Variants in ADGRB3 observed in about 807,000 individuals in gnomAD.
ADGRB3 encodes brain-specific angiogenesis inhibitor 3.
ADGRB3 carries 37 observed loss-of-function variants against 193.4 expected under a neutral mutation model. That is an observed-to-expected ratio of 0.19 (90% CI 0.15 to 0.25). The LOEUF (loss-of-function observed/expected upper bound fraction) is 0.25, where lower values mean the gene tolerates loss of function less well. ADGRB3 is among the 10% of genes least tolerant of loss of function. ADGRB3 has a pLI of 1.00. For missense variants in ADGRB3, 1,637 were observed against 1,852.9 expected (o/e 0.88, Z 2.14); for synonymous variants, 690 against 644.2 (o/e 1.07, Z -1.08).
intron 3 of ADGRB3, among the ~76,000 whole-genome samples, chr6:68,874,706 C>T (rs1230708387): frequency 6.6e-6 from 1 of 152,054 alleles, no homozygotes. Flanking sequence ...GAATTCCATA[C>T]ATGGAATTCA....
intron 13 of ADGRB3, among the ~76,000 whole-genome samples, chr6:69,020,400 G>A (rs1236660204): frequency 1.3e-5 from 2 of 151,944 alleles, no homozygotes; most frequent in Non-Finnish European, 2.9e-5. Flanking sequence ...TTTCATAAAT[G>A]TCCATAAATT....
intron 20 of ADGRB3, among the ~76,000 whole-genome samples, chr6:69,252,520 T>C (rs1766645706): frequency 6.6e-6 from 1 of 152,140 alleles, no homozygotes; most frequent in Non-Finnish European, 1.5e-5. Flanking sequence ...CATACCACTT[T>C]GTACTCTTAC....
At chr6:68,958,150 G>A (rs920400384) in intron 8 of ADGRB3, among the ~76,000 whole-genome samples, 4 of 151,944 alleles carry the variant, frequency 2.6e-5, no homozygotes, top group East Asian at 1.9e-4. Flanking sequence ...GCAGTTAGCC[G>A]AGATTGCACC....
At chr6:68,642,079 A>G (rs1369574968) in intron 3 of ADGRB3, among the ~76,000 whole-genome samples, 4 of 152,174 alleles carry the variant, frequency 2.6e-5, no homozygotes, top group East Asian at 1.9e-4. Context: ...TCCATTTCCT[A>G]TTAAAAAAGG....
intron 17 of ADGRB3, among the ~76,000 whole-genome samples, chr6:69,160,183 G>A (rs891790922): frequency 6.6e-6 from 1 of 152,082 alleles, no homozygotes; most frequent in Non-Finnish European, 1.5e-5. Context: ...ATCTGCTGAG[G>A]TAGAAATTAA....
rs1768029427 is a variant in ADGRB3, at chr6:68,639,432, G to A, written c.757G>A (p.Glu253Lys). 2 of 1,600,450 alleles carry A rather than the reference G, an allele frequency of 1.2e-6. No individual in the cohort carries two copies. Among genetic ancestry groups the A allele is most frequent in the Admixed American group, 1.7e-5 (1 of 58,592 alleles). ...TREAKRPPKE[E>K]FGMMGDHTIK... Reference sequence around the variant, plus strand: ...GGAGGCCAAGCGACCACCCAAAGAAGGTAAGTGCCAAAGAGAGGGGAAGGT... The same window carrying A: ...GGAGGCCAAGCGACCACCCAAAGAAAGTAAGTGCCAAAGAGAGGGGAAGGT... Residue 253 changes from glutamate to lysine, a missense_variant and splice_region_variant, in exon 3 of 32, where the codon GAA becomes AAA. By Grantham distance (56) the Glu-to-Lys change is moderately conservative (BLOSUM62 1). Around this residue, in one of 7 missense-constraint regions of ADGRB3, gnomAD observed 365 missense variants for 409.8 expected, o/e 0.89. Coordinates refer to ENST00000370598, the MANE Select transcript of ADGRB3 (RefSeq NM_001704.3).
intron 17 of ADGRB3, among the ~76,000 whole-genome samples, chr6:69,141,582 G>A (rs1005500209): frequency 1.3e-5 from 2 of 152,010 alleles, no homozygotes; most frequent in African/African-American, 4.8e-5. Flanking sequence ...TACCTAGTGG[G>A]TATGAGGAAA....
chr6:69,187,371 G>A lies in ADGRB3; in HGVS notation c.2481-45919G>A, dbSNP rs556032004. On this transcript the variant is annotated intron_variant, in intron 17 of 31. Coordinates refer to ENST00000370598, the MANE Select transcript of ADGRB3 (RefSeq NM_001704.3). ...AGGATGATAACAACTGCTATTGTTCGTATAAGACTTTCTGGTGATGCACTA... is the reference window on the plus strand; with the variant it reads ...AGGATGATAACAACTGCTATTGTTCATATAAGACTTTCTGGTGATGCACTA... Among the ~76,000 whole-genome samples the A allele has an allele frequency of 5.3e-5, 8 of 152,176 alleles. No homozygotes were observed. The South Asian group carries it at 6.2e-4, about 12-fold the overall frequency.
At chr6:68,821,861 A>G (rs1254198892) in intron 3 of ADGRB3, among the ~76,000 whole-genome samples, 4 of 151,866 alleles carry the variant, frequency 2.6e-5, no homozygotes, top group African/African-American at 9.7e-5. Context: ...CAAATATAAT[A>G]CTACTTAAAA....
chr6:68,676,332 A>G (rs1284695258), intron 3 of ADGRB3, among the ~76,000 whole-genome samples: 5 of 147,594 alleles, frequency 3.4e-5, no homozygotes, highest in East Asian at 2.0e-4. Flanking sequence ...GGGAGGTTGC[A>G]GTGAGCCCAG....
chr6:68,876,711 A>G (rs1765604414), intron 3 of ADGRB3, among the ~76,000 whole-genome samples: 2 of 152,222 alleles, frequency 1.3e-5, no homozygotes, highest in South Asian at 4.1e-4. Flanking sequence ...ATTTCAATTC[A>G]TTAAGTAAAC....
intron 17 of ADGRB3, among the ~76,000 whole-genome samples, chr6:69,126,241 A>G (rs187828215): frequency 1.3e-5 from 2 of 151,350 alleles, no homozygotes; most frequent in African/African-American, 4.9e-5. Context: ...ACACATACAT[A>G]CATACATACA....
intron 3 of ADGRB3, among the ~76,000 whole-genome samples, chr6:68,688,081 T>A (rs1211148721): frequency 6.6e-6 from 1 of 152,148 alleles, no homozygotes; most frequent in Non-Finnish European, 1.5e-5. Context: ...AAAAATTAAG[T>A]CATGGAAGCT....
chr6:69,183,941 T>G (rs1765008424), intron 17 of ADGRB3, among the ~76,000 whole-genome samples: 1 of 152,064 alleles, frequency 6.6e-6, no homozygotes, highest in Non-Finnish European at 1.5e-5. Context: ...TTATGGAAAG[T>G]TAACTAATAC....
At chr6:68,914,843 T>C (rs1766832240) in intron 3 of ADGRB3, among the ~76,000 whole-genome samples, 1 of 152,180 alleles carries the variant, frequency 6.6e-6, no homozygotes, top group Non-Finnish European at 1.5e-5. Context: ...TACATTCTTT[T>C]TAAATGTATC....
Position 69,106,300 on chromosome 6 carries a change from T to C in ADGRB3, c.2480+30262T>C, listed in dbSNP as rs1441031262. ...TTATTACTAGTATTTGGCTAAGGCA[T>C]GCCTGTCCATTCCAACCATGCATTT... On this transcript the variant is annotated intron_variant, in intron 17 of 31. Transcript: ENST00000370598. 2.0e-5 allele frequency among the ~76,000 whole-genome samples: 3 copies of C among 152,190 alleles called. No homozygotes were observed. In the East Asian group the frequency reaches 5.8e-4, roughly 29 times the overall value.
intron 13 of ADGRB3, among the ~76,000 whole-genome samples, chr6:69,032,846 A>G (rs189932165): frequency 1.3e-5 from 2 of 152,284 alleles, no homozygotes; most frequent in East Asian, 1.9e-4. Flanking sequence ...TGACTATACC[A>G]TGACTAACTA....
chr6:69,343,213 T>C (rs1769017604), intron 26 of ADGRB3, among the ~76,000 whole-genome samples: 1 of 151,760 alleles, frequency 6.6e-6, no homozygotes, highest in Non-Finnish European at 1.5e-5. Context: ...CTTTAAGTTT[T>C]AGGGTACATG....
intron 15 of ADGRB3, among the ~76,000 whole-genome samples, chr6:69,052,051 G>C (rs867218449): frequency 7.9e-5 from 12 of 151,922 alleles, no homozygotes; most frequent in South Asian, 6.2e-4. Context: ...CCACCACGCC[G>C]GGCTAATTTT....
Sources: allele counts gnomAD v4.1 joint callset (sites outside exome capture counted in the v4.1 genomes callset), GRCh38; gene constraint gnomAD v4.1.1; regional missense constraint gnomAD v4.1.1; transcripts MANE v1.5; gene names NCBI Gene and HGNC (gene_info 2026-07-23, HGNC 2026-07-21).